EPN1: variants seen among roughly 807,000 people sequenced by gnomAD.
EPN1 encodes epsin-1.
A neutral mutation model predicts 56.9 loss-of-function variants in EPN1; 25 were observed. That is an observed-to-expected ratio of 0.44 (90% CI 0.32 to 0.61). The LOEUF is 0.61. EPN1 is among the 20% of genes least tolerant of loss of function. EPN1 has a pLI of 0.05. For missense variants in EPN1, 785 were observed against 823.7 expected (o/e 0.95, Z 0.58); for synonymous variants, 411 against 361.8 (o/e 1.14, Z -1.54).
At position 55,707,638 on chromosome 19, in the gene EPN1, C is replaced by CT. The variant is rs1316530921; in HGVS notation, c.*12285dup. The stretch of plus-strand genomic sequence containing the variant: ...GAAGTGGCCATAAAAACCATCTTTC[C>CT]TTTGCAGACTGGGGTGGGGACTCTG... On this transcript the variant is annotated 3_prime_UTR_variant, in exon 11 of 11. Coordinates refer to ENST00000270460, the MANE Select transcript of EPN1 (RefSeq NM_001130072.2). 1 of 154,662 alleles carries CT rather than the reference C, an allele frequency of 6.5e-6. No homozygotes were observed. Among genetic ancestry groups the CT allele is most frequent in the Non-Finnish European group, 1.5e-5 (1 of 68,262 alleles). The allele number at this position is 154,662 out of a possible 1,614,324, so 9.6% of individuals were successfully genotyped here.
At chr19:55,681,417 T>C (rs1985811971) in intron 2 of EPN1, among the ~76,000 whole-genome samples, 1 of 152,180 alleles carries the variant, frequency 6.6e-6, no homozygotes, top group African/African-American at 2.4e-5. Context: ...CTCTGGGCCC[T>C]GCACTGCCAC....
At chr19:55,684,100 G>A (rs1054151320) in intron 2 of EPN1, among the ~76,000 whole-genome samples, 1 of 152,134 alleles carries the variant, frequency 6.6e-6, no homozygotes, top group South Asian at 2.1e-4. Flanking sequence ...CTTGAGGGCC[G>A]GTTAAAGACT....
In EPN1 at chr19:55,691,889, C is replaced by A; in HGVS notation, c.898C>A (p.Pro300Thr). The change falls in exon 7 of 11, where the codon CCT (proline) becomes ACT (threonine). Residue 300 changes from proline (P) to threonine (T), a missense_variant. Physicochemically the swap from Pro to Thr is conservative, Grantham distance 38. This residue lies in a region of EPN1 where 650 missense variants were observed against 605.0 expected (regional missense o/e 1.07). Transcript: ENST00000270460. The surrounding 1 kb of genome is among the most constrained non-coding windows in gnomAD (Gnocchi z 5.6). Reference sequence around the variant, plus strand: ...CACCTCGGACCCCTGGGGCGGCCCCCCTGTCCCTCCAGCTGCTGATCCCTG... The same window carrying A: ...CACCTCGGACCCCTGGGGCGGCCCCACTGTCCCTCCAGCTGCTGATCCCTG... The part of the protein sequence containing the change: ...APTSDPWGGP[P>T]VPPAADPWGG... 1 of 1,600,426 alleles carries A rather than the reference C, an allele frequency of 6.2e-7. No homozygotes were observed. The highest frequency in any genetic ancestry group is 2.2e-5 in the East Asian group (1 of 44,616).
intron 9 of EPN1, chr19:55,693,316 G>C: frequency 2.4e-6 from 1 of 418,418 alleles, no homozygotes; most frequent in Non-Finnish European, 4.4e-6. Flanking sequence ...CCTCCACGTT[G>C]CTTGAGTGCC....
At position 55,695,252 on chromosome 19, in the gene EPN1, G is replaced by A. The variant is rs776108183; in HGVS notation, c.1627G>A (p.Gly543Arg). ...LRLSPVPPVPGAPPTYISPLG... is the reference protein window; with the variant it reads ...LRLSPVPPVPRAPPTYISPLG... ...TCTCAGTCCTGTGCCTCCCGTCCCT[G>A]GAGCGCCACCCACGTACATCTCTCC... Residue 543 changes from glycine to arginine, a missense_variant, in exon 11 of 11, where the codon GGA (glycine) becomes AGA (arginine). Gly to Arg is a moderately radical substitution (Grantham distance 125). Transcript: ENST00000270460. This position sits in a 1 kb window ranked among gnomAD's most constrained non-coding sequence, Gnocchi z 4.4. 2.6e-5 allele frequency: 42 copies of A among 1,611,258 alleles called. No individual in the cohort carries two copies. The highest frequency in any genetic ancestry group is 3.4e-5 in the Non-Finnish European group (40 of 1,179,376).
chr19:55,689,147 G>C lies in EPN1; in HGVS notation c.604-150G>C, dbSNP rs1355612461. On this transcript the variant is annotated intron_variant, in intron 4 of 10. Transcript: ENST00000270460. The surrounding 1 kb of genome is among the most constrained non-coding windows in gnomAD (Gnocchi z 5.7). ...CCCAGTCCTGCCTCATCCTCACCCC[G>C]CCGTCCCTCTGCGTGTCACTCTCTG... 11 of 1,184,472 alleles carry C rather than the reference G, an allele frequency of 9.3e-6. No homozygotes were observed. The highest frequency in any genetic ancestry group is 1.5e-5 in the African/African-American group (1 of 65,594). The allele number at this position is 1,184,472 out of a possible 1,614,324, so 73.4% of individuals were successfully genotyped here.
rs1986881368 is a variant in EPN1 at position 55,695,742 on chromosome 19, AAATG to A, written c.*387_*390del. On this transcript the variant is annotated 3_prime_UTR_variant, in exon 11 of 11. Coordinates refer to ENST00000270460, the MANE Select transcript of EPN1 (RefSeq NM_001130072.2). This position sits in a 1 kb window ranked among gnomAD's most constrained non-coding sequence, Gnocchi z 4.4. ...TGATGATTTTGGCAACTTTGGGAAT[AAATG>A]GCAATTCCCACGGGCTTGGCACTCC... The A allele has an allele frequency of 5.0e-6, 1 of 201,334 alleles. No homozygotes were observed. The highest frequency in any genetic ancestry group is 1.0e-5 in the Non-Finnish European group (1 of 99,812). 12.5% of individuals were successfully genotyped at this position (201,334 alleles called of 1,614,324 possible).
intron 8 of EPN1, 68 bp from the exon 9 acceptor site, chr19:55,692,883 C>T (rs1480562140): frequency 1.0e-5 from 16 of 1,598,062 alleles, no homozygotes; most frequent in Non-Finnish European, 1.4e-5. Flanking sequence ...GGGTGGACGC[C>T]TGGACTGGAG....
chr19:55,709,084 T>C lies in EPN1; in HGVS notation c.*13728T>C. ...ATAAAGTTTTTTTTTTTGTTTTTCA[T>C]TTTTACACAGTATTGCCTCTCTACA... On this transcript the variant is annotated 3_prime_UTR_variant, in exon 11 of 11. Coordinates refer to ENST00000270460, the MANE Select transcript of EPN1 (RefSeq NM_001130072.2). 6.7e-7 allele frequency: 1 copy of C among 1,503,462 alleles called. No homozygotes were observed. Among genetic ancestry groups the C allele is most frequent in the Non-Finnish European group, 8.9e-7 (1 of 1,118,850 alleles). 93.1% of individuals were successfully genotyped at this position (1,503,462 alleles called of 1,614,324 possible).
At position 55,694,532 on chromosome 19, in the gene EPN1, C is replaced by G; in HGVS notation, c.1265-194C>G. The G allele has an allele frequency of 1.8e-6, 1 of 559,556 alleles. No individual in the cohort carries two copies. The allele number at this position is 559,556 out of a possible 1,614,324, so 34.7% of individuals were successfully genotyped here. A position where few individuals can be genotyped will look rare whatever the true frequency, so the allele number is the denominator to read the frequency against. On this transcript the variant is annotated intron_variant, in intron 9 of 10. Transcript: ENST00000270460. The surrounding 1 kb of genome is among the most constrained non-coding windows in gnomAD (Gnocchi z 4.2). ...GTTTGCTCACTGGAATCAGACCCAC[C>G]TTATGGGAATCTGGGCTGACGTGAG...
rs1986386710 is a variant in EPN1 at position 55,689,390 on chromosome 19, T to C, written c.678+19T>C. ...TGATAAGGTCAGAGCAGCCTCCCTG[T>C]CCCTGCCCCTGCCAGGGGCTCCCCT... On this transcript the variant is annotated intron_variant, in intron 5 of 10. Coordinates refer to ENST00000270460, the MANE Select transcript of EPN1 (RefSeq NM_001130072.2). The surrounding 1 kb of genome is among the most constrained non-coding windows in gnomAD (Gnocchi z 5.7). The C allele has an allele frequency of 1.3e-6, 2 of 1,544,644 alleles. No homozygotes were observed. Among genetic ancestry groups the C allele is most frequent in the Admixed American group, 2.0e-5 (1 of 50,958 alleles).
At chr19:55,688,763 C>T in intron 3 of EPN1, 107 bp from the exon 4 acceptor site, 1 of 1,485,454 alleles carries the variant, frequency 6.7e-7, no homozygotes, top group South Asian at 1.2e-5. Context: ...GGGTGGGGGA[C>T]TTGGGGGGTG....
Position 55,693,041 on chromosome 19 carries a change from A to AGCCCCTGCCC in EPN1, c.1264+5_1264+14dup, listed in dbSNP as rs1278938525. On this transcript the variant is annotated splice_donor_region_variant and intron_variant, in intron 9 of 10. Transcript: ENST00000270460. ...CCGACCTCCGGGAGCAGCGCAGGTG[A>AGCCCCTGCCC]GCCCCTGCCCTCCCCTGCCCAGTGG... is the stretch of plus-strand genomic sequence containing the variant. 6.2e-7 allele frequency: 1 copy of AGCCCCTGCCC among 1,611,652 alleles called. No homozygotes were observed. The highest frequency in any genetic ancestry group is 8.5e-7 in the Non-Finnish European group (1 of 1,178,384).
At chr19:55,677,368 G>A (rs1568562508) in intron 1 of EPN1, 6 of 686,510 alleles carry the variant, frequency 8.7e-6, no homozygotes, top group East Asian at 2.7e-5. Context: ...AGAGCAGTGC[G>A]AGTGTCTGCT....
In EPN1 at chr19:55,685,387, C is replaced by T. The variant is rs374082347; in HGVS notation, c.229-9C>T. On this transcript the variant is annotated splice_polypyrimidine_tract_variant and intron_variant, in intron 2 of 10. Coordinates refer to ENST00000270460, the MANE Select transcript of EPN1 (RefSeq NM_001130072.2). ...CGTGCTGACCGGGCATCCCCGTGCC[C>T]GCTCGCAGGCCATGACGCTGATGGA... 27 of 1,607,854 alleles carry T rather than the reference C, an allele frequency of 1.7e-5. No homozygotes were observed. Among genetic ancestry groups the T allele is most frequent in the East Asian group, 4.5e-5 (2 of 44,690 alleles).
At chr19:55,676,046 A>C (rs1985394252) in intron 1 of EPN1, among the ~76,000 whole-genome samples, 1 of 152,124 alleles carries the variant, frequency 6.6e-6, no homozygotes, top group Non-Finnish European at 1.5e-5. Flanking sequence ...TAAGCTGTGT[A>C]ATTGCCAGGT....
At chr19:55,677,369 A>G (rs1271957592) in intron 1 of EPN1, among the ~76,000 whole-genome samples, 1 of 152,148 alleles carries the variant, frequency 6.6e-6, no homozygotes, top group Admixed American at 6.5e-5. Flanking sequence ...GAGCAGTGCG[A>G]GTGTCTGCTG....
chr19:55,692,078 C>G, intron 7 of EPN1, 21 bp downstream of exon 7: 13 of 1,420,642 alleles, frequency 9.2e-6, no homozygotes, highest in Non-Finnish European at 1.2e-5. Flanking sequence ...GGCCCACTTG[C>G]ATGCAGCCCC....
rs1322116401 is a variant in EPN1 at position 55,697,713 on chromosome 19, T to C, written c.*2357T>C. On this transcript the variant is annotated 3_prime_UTR_variant, in exon 11 of 11. Coordinates refer to ENST00000270460, the MANE Select transcript of EPN1 (RefSeq NM_001130072.2). ...TACTTTATTCCTCTTTCTAGAATATTCCAGCCACCAAAGTGCTCAGCAGGA... is the reference window on the plus strand; with the variant it reads ...TACTTTATTCCTCTTTCTAGAATATCCCAGCCACCAAAGTGCTCAGCAGGA... 1.3e-5 allele frequency: 2 copies of C among 152,186 alleles called. No homozygotes were observed. The highest frequency in any genetic ancestry group is 2.9e-5 in the Non-Finnish European group (2 of 68,050). The allele number at this position is 152,186 out of a possible 1,614,324, so 9.4% of individuals were successfully genotyped here.
Sources: gnomAD v4.1 joint callset for allele counts (sites outside exome capture counted in the v4.1 genomes callset) on GRCh38, gnomAD v4.1.1 for gene constraint, gnomAD v4.1.1 regional missense constraint, Gnocchi (gnomAD v3.1) non-coding constraint, MANE v1.5 for transcripts, NCBI Gene and HGNC (gene_info 2026-07-23, HGNC 2026-07-21) for gene names.